LHFPL2: variants seen among roughly 807,000 people sequenced by gnomAD.
LHFPL2 encodes LHFPL tetraspan subfamily member 2.
Under a neutral mutation model 17.5 loss-of-function variants are expected in LHFPL2, and 7 were observed. The ratio of observed to expected loss-of-function variants is 0.40; its 90% CI spans 0.23 to 0.75. The LOEUF (loss-of-function observed/expected upper bound fraction) is 0.75, where lower values mean the gene tolerates loss of function less well. Ranked by LOEUF, LHFPL2 falls within the 30% of genes least tolerant of loss-of-function variation. LHFPL2 has a pLI of 0.37. For synonymous variants in LHFPL2, 134 were observed against 116.2 expected (o/e 1.15, Z -0.99); for missense variants, 241 against 294.8 (o/e 0.82, Z 1.34).
chr5:78,638,285 C>T (rs188148501), intron 1 of LHFPL2, among the ~76,000 whole-genome samples: 202 of 152,154 alleles, frequency 1.3e-3, no homozygotes, highest in Middle Eastern at 3.4e-3. Context: ...ACCAGGGAGG[C>T]GGGGCTTGCA....
intron 4 of LHFPL2, among the ~76,000 whole-genome samples, chr5:78,504,794 A>G (rs1754883360): frequency 6.6e-6 from 1 of 152,062 alleles, no homozygotes; most frequent in Non-Finnish European, 1.5e-5. Context: ...CCACGACCAC[A>G]CACCCTTCAC....
At position 78,485,914 on chromosome 5, in the gene LHFPL2, A is replaced by AATT. The variant is rs1369488929; in HGVS notation, c.*2980_*2982dup. On this transcript the variant is annotated 3_prime_UTR_variant, in exon 5 of 5. Coordinates refer to ENST00000380345, the MANE Select transcript of LHFPL2 (RefSeq NM_005779.3). ...TCACATAAGATTTGTGTAGCATTAA[A>AATT]ATTATGGGTTACTGAATAAGCCATG... is the stretch of plus-strand genomic sequence containing the variant. The AATT allele has an allele frequency of 3.3e-5, 5 of 152,606 alleles. No homozygotes were observed. The South Asian group carries it at 6.2e-4, about 19-fold the overall frequency. 9.5% of individuals were successfully genotyped at this position (152,606 alleles called of 1,614,324 possible). A position where few individuals can be genotyped will look rare whatever the true frequency, so the allele number is the denominator to read the frequency against.
In LHFPL2 at chr5:78,487,597, A is replaced by ACTAT. The variant is rs770535068; in HGVS notation, c.*1296_*1299dup. ...TGTGCTGCTCTGGTCATTCTGAGAT[A>ACTAT]CTATCTTCCTGAATCAGTGATATTG... On this transcript the variant is annotated 3_prime_UTR_variant, in exon 5 of 5. Coordinates refer to ENST00000380345, the MANE Select transcript of LHFPL2 (RefSeq NM_005779.3). The ACTAT allele has an allele frequency of 3.3e-5, 5 of 152,220 alleles. No homozygotes were observed. Among genetic ancestry groups the ACTAT allele is most frequent in the East Asian group, 3.8e-4 (2 of 5,198 alleles). 9.4% of individuals were successfully genotyped at this position (152,220 alleles called of 1,614,324 possible). A position where few individuals can be genotyped will look rare whatever the true frequency, so the allele number is the denominator to read the frequency against.
chr5:78,616,209 G>C (rs1744601270), intron 2 of LHFPL2, among the ~76,000 whole-genome samples: 1 of 151,982 alleles, frequency 6.6e-6, no homozygotes, highest in African/African-American at 2.4e-5. Context: ...CTCACTGCAA[G>C]CTCCGCCTTC....
chr5:78,522,690 G>A (rs1419252473), intron 3 of LHFPL2, among the ~76,000 whole-genome samples: 1 of 152,160 alleles, frequency 6.6e-6, no homozygotes, highest in Non-Finnish European at 1.5e-5. Context: ...GGCAGGGAAG[G>A]AGACCTGAAG....
At chr5:78,506,148 A>T (rs565470778) in intron 4 of LHFPL2, among the ~76,000 whole-genome samples, 1 of 152,254 alleles carries the variant, frequency 6.6e-6, no homozygotes, top group Non-Finnish European at 1.5e-5. Flanking sequence ...TGGGATTTCC[A>T]TTGAAGTAGC....
intron 2 of LHFPL2, among the ~76,000 whole-genome samples, chr5:78,619,102 T>A (rs2112496508): frequency 6.6e-6 from 1 of 152,330 alleles, no homozygotes; most frequent in East Asian, 1.9e-4. Flanking sequence ...CTCAGCTTAC[T>A]GCAACCTCTG....
At chr5:78,600,583 C>G (rs1307028836) in intron 2 of LHFPL2, among the ~76,000 whole-genome samples, 1 of 152,054 alleles carries the variant, frequency 6.6e-6, no homozygotes, top group Non-Finnish European at 1.5e-5. Context: ...ACAAAATTAG[C>G]CAGGCATGGT....
chr5:78,581,909 C>G (rs917282986), intron 2 of LHFPL2, among the ~76,000 whole-genome samples: 1 of 152,208 alleles, frequency 6.6e-6, no homozygotes, highest in Non-Finnish European at 1.5e-5. Context: ...GGCTGTGAAT[C>G]CATCTGGTCC....
At chr5:78,621,327 C>T (rs1029853149) in intron 2 of LHFPL2, among the ~76,000 whole-genome samples, 14 of 152,024 alleles carry the variant, frequency 9.2e-5, no homozygotes, top group Non-Finnish European at 2.1e-4. Flanking sequence ...AGAGGGAGAA[C>T]AGCAGCAGCA....
intron 2 of LHFPL2, among the ~76,000 whole-genome samples, chr5:78,571,970 T>A (rs2112427064): frequency 6.6e-6 from 1 of 152,286 alleles, no homozygotes; most frequent in East Asian, 1.9e-4. Flanking sequence ...GCCTGAGAAA[T>A]AACGCACTCT....
At chr5:78,613,737 G>C (rs1018965903) in intron 2 of LHFPL2, among the ~76,000 whole-genome samples, 28 of 152,162 alleles carry the variant, frequency 1.8e-4, no homozygotes, top group African/African-American at 6.5e-4. Context: ...CAGCCAGGAT[G>C]ATGATTTAAA....
At chr5:78,495,917 A>G (rs1044270459) in intron 4 of LHFPL2, among the ~76,000 whole-genome samples, 1 of 152,116 alleles carries the variant, frequency 6.6e-6, no homozygotes, top group Non-Finnish European at 1.5e-5. Context: ...GTCACACTAC[A>G]CACATCACCA....
At chr5:78,589,788 T>C (rs1743560718) in intron 2 of LHFPL2, among the ~76,000 whole-genome samples, 1 of 152,238 alleles carries the variant, frequency 6.6e-6, no homozygotes, top group Non-Finnish European at 1.5e-5. Context: ...TCACCTCATA[T>C]GCTCAAGGCC....
chr5:78,627,692 A>T lies in LHFPL2; in HGVS notation c.-245+4572T>A, dbSNP rs865962088. Among the ~76,000 whole-genome samples the T allele has an allele frequency of 9.8e-5, 15 of 152,318 alleles. No homozygotes were observed. In the Middle Eastern group the frequency reaches 0.014, roughly 138 times the overall value. ...GAAATACCTGCCTACTCAGCAGGGC[A>T]TTTATGAAGCCCTCGATAGCTACTT... On this transcript the variant is annotated intron_variant, in intron 2 of 4. Transcript: ENST00000380345.
In LHFPL2 at chr5:78,569,674, T is replaced by C. The variant is rs551874988; in HGVS notation, c.-244-4803A>G. On this transcript the variant is annotated intron_variant, in intron 2 of 4. Transcript: ENST00000380345. The stretch of plus-strand genomic sequence containing the variant: ...TCTACCAAGCACAGAAAGTGGCAGC[T>C]TGCCAAAGGCTGGACTGTGTTAAAC... Among the ~76,000 whole-genome samples, 594 of 152,300 alleles carry C rather than the reference T, an allele frequency of 3.9e-3. 2 individuals are homozygous for C. The highest frequency in any genetic ancestry group is 6.8e-3 in the Non-Finnish European group (461 of 68,030).
chr5:78,516,619 T>C (rs778758997), intron 3 of LHFPL2, among the ~76,000 whole-genome samples: 1 of 152,214 alleles, frequency 6.6e-6, no homozygotes, highest in Non-Finnish European at 1.5e-5. Flanking sequence ...ATTTTTAAGA[T>C]CTATTTTTAA....
chr5:78,509,419 T>G (rs1164806631), intron 4 of LHFPL2, among the ~76,000 whole-genome samples: 1 of 152,230 alleles, frequency 6.6e-6, no homozygotes, highest in Non-Finnish European at 1.5e-5. Context: ...ACTCACGCTC[T>G]CCATAATTCC....
At chr5:78,562,634 C>CAAAA (rs35163869) in intron 3 of LHFPL2, among the ~76,000 whole-genome samples, 2 of 113,126 alleles carry the variant, frequency 1.8e-5, no homozygotes, top group Non-Finnish European at 1.8e-5. Flanking sequence ...GATTCCACCT[C>CAAAA]AAAAAAAAAA....
Sources: gnomAD v4.1 joint callset for allele counts (sites outside exome capture counted in the v4.1 genomes callset) on GRCh38, gnomAD v4.1.1 for gene constraint, MANE v1.5 for transcripts, NCBI Gene and HGNC (gene_info 2026-07-23, HGNC 2026-07-21) for gene names.